The following EXT1 variants were observed in gnomAD, a reference collection of about 807,000 sequenced individuals.
EXT1 encodes the protein exostosin glycosyltransferase 1.
EXT1 carries 20 observed loss-of-function variants against 82.5 expected under a neutral mutation model. The observed-to-expected ratio is 0.24, with a 90% CI of 0.17 to 0.35. The LOEUF (loss-of-function observed/expected upper bound fraction) is 0.35. Among genes scored for constraint, EXT1 ranks in the 10% least tolerant of loss-of-function variants. The pLI, the probability that EXT1 is intolerant of heterozygous loss-of-function variation, is 1.00. For missense variants in EXT1, 757 were observed against 936.5 expected (o/e 0.81, Z 2.50); for synonymous variants, 348 against 350.8 (o/e 0.99, Z 0.09).
chr8:117,957,791 C>T (rs1346893436), intron 1 of EXT1, among the ~76,000 whole-genome samples: 1 of 152,132 alleles, frequency 6.6e-6, no homozygotes, highest in Non-Finnish European at 1.5e-5. Context: ...TTATTCTTTT[C>T]CTTCTCTGTG....
chr8:117,969,477 T>C (rs1054064245), intron 1 of EXT1, among the ~76,000 whole-genome samples: 4 of 152,202 alleles, frequency 2.6e-5, no homozygotes, highest in Admixed American at 6.5e-5. Context: ...AATATGCACA[T>C]TGATCCCAGA....
intron 3 of EXT1, among the ~76,000 whole-genome samples, chr8:117,832,520 T>TA (rs78434447): frequency 0.099 from 13,987 of 141,974 alleles, 904 homozygotes; most frequent in East Asian, 0.35. Context: ...AAGACTGTCT[T>TA]AAAAAAAAAA....
At chr8:117,828,579 G>A (rs1812046139) in intron 4 of EXT1, among the ~76,000 whole-genome samples, 1 of 152,088 alleles carries the variant, frequency 6.6e-6, no homozygotes, top group South Asian at 2.1e-4. Flanking sequence ...TTTAAGAAGG[G>A]CCTAGGAAGG....
chr8:117,949,292 T>G (rs752509036), intron 1 of EXT1, among the ~76,000 whole-genome samples: 6 of 152,112 alleles, frequency 3.9e-5, no homozygotes, highest in Admixed American at 2.0e-4. Context: ...TTAAATAGCC[T>G]TTAGTTTGAA....
At chr8:117,848,780 A>G (rs1439168519) in intron 1 of EXT1, among the ~76,000 whole-genome samples, 2 of 152,184 alleles carry the variant, frequency 1.3e-5, no homozygotes, top group East Asian at 1.9e-4. Context: ...GAACAGAGCA[A>G]CAGAAACCAT....
intron 1 of EXT1, among the ~76,000 whole-genome samples, chr8:117,918,236 C>T (rs543810929): frequency 6.6e-6 from 1 of 152,322 alleles, no homozygotes; most frequent in South Asian, 2.1e-4. Context: ...AATTTCACTG[C>T]ATGTTCTTTC....
intron 1 of EXT1, among the ~76,000 whole-genome samples, chr8:118,026,860 T>G (rs1816211063): frequency 6.6e-6 from 1 of 152,190 alleles, no homozygotes; most frequent in Non-Finnish European, 1.5e-5. Flanking sequence ...GATGGTCCAT[T>G]TGGAAACACA....
intron 1 of EXT1, among the ~76,000 whole-genome samples, chr8:118,045,486 A>G (rs905766178): frequency 3.9e-5 from 6 of 152,116 alleles, no homozygotes. Flanking sequence ...CCAAATGTGC[A>G]ATCTGGGGCA....
At chr8:117,978,544 TTC>T (rs987740196) in intron 1 of EXT1, among the ~76,000 whole-genome samples, 1 of 152,232 alleles carries the variant, frequency 6.6e-6, no homozygotes, top group Admixed American at 6.5e-5. Context: ...TGGGTCATAT[TTC>T]TGTTTGAGGA....
intron 1 of EXT1, among the ~76,000 whole-genome samples, chr8:117,905,148 T>C (rs112645021): frequency 1.6e-4 from 25 of 152,218 alleles, no homozygotes; most frequent in African/African-American, 5.1e-4. Context: ...AGTGTACTTA[T>C]AGGAACTCTG....
At position 117,906,139 on chromosome 8, in the gene EXT1, T is replaced by A. The variant is rs111835830; in HGVS notation, c.963-68938A>T. On this transcript the variant is annotated intron_variant, in intron 1 of 10. Transcript: ENST00000378204. ...TATCCCTCGTATTTCTTACAGCAGT[T>A]GTTTGACCATTCCTCACCATTCAAG... 2.1e-3 allele frequency among the ~76,000 whole-genome samples: 326 copies of A among 152,352 alleles called. 1 individual carries two copies. The highest frequency in any genetic ancestry group is 0.016 in the South Asian group (75 of 4,832).
intron 1 of EXT1, among the ~76,000 whole-genome samples, chr8:117,888,691 C>G (rs1347258102): frequency 6.6e-6 from 1 of 152,132 alleles, no homozygotes; most frequent in African/African-American, 2.4e-5. Context: ...GGTGGACTCT[C>G]TTGGGATTCC....
intron 1 of EXT1, among the ~76,000 whole-genome samples, chr8:117,917,514 C>T (rs1223116189): frequency 6.6e-6 from 1 of 151,936 alleles, no homozygotes; most frequent in East Asian, 1.9e-4. Flanking sequence ...AACACGTCTG[C>T]TCCTTTAATA....
At chr8:117,946,549 G>A (rs900117953) in intron 1 of EXT1, among the ~76,000 whole-genome samples, 14 of 152,142 alleles carry the variant, frequency 9.2e-5, no homozygotes, top group Admixed American at 6.5e-4. Context: ...CAACCAGGGC[G>A]CTGAGCAACC....
At chr8:118,054,535 T>C (rs539402772) in intron 1 of EXT1, among the ~76,000 whole-genome samples, 1 of 152,372 alleles carries the variant, frequency 6.6e-6, no homozygotes, top group East Asian at 1.9e-4. Flanking sequence ...CCCCACACTT[T>C]GGCCAAGCAT....
rs71569748 is a variant in EXT1 at position 117,809,218 on chromosome 8, A to AACATATATATATATATATATAT, written c.1723-1842_1723-1841insATATATATATATATATATATGT. Among the ~76,000 whole-genome samples, 43 of 107,930 alleles carry AACATATATATATATATATATAT rather than the reference A, an allele frequency of 4.0e-4. 1 individual carries two copies. Among genetic ancestry groups the AACATATATATATATATATATAT allele is most frequent in the African/African-American group, 1.3e-3 (41 of 32,006 alleles). 70.8% of individuals were successfully genotyped at this position (107,930 alleles called of 152,430 possible). On this transcript the variant is annotated intron_variant, in intron 8 of 10. Coordinates refer to ENST00000378204, the MANE Select transcript of EXT1 (RefSeq NM_000127.3). ...GTATATATATGTGTGTGTGTGTATA[A>AACATATATATATATATATATAT]ATATATATATATATATATATATATA...
intron 1 of EXT1, among the ~76,000 whole-genome samples, chr8:118,039,345 AG>A (rs1190462808): frequency 6.6e-6 from 1 of 152,118 alleles, no homozygotes; most frequent in Non-Finnish European, 1.5e-5. Flanking sequence ...AGATCACCTG[AG>A]GTTGGGAGTT....
At chr8:117,990,058 A>AGCTAC (rs201883697) in intron 1 of EXT1, among the ~76,000 whole-genome samples, 2 of 152,302 alleles carry the variant, frequency 1.3e-5, no homozygotes, top group East Asian at 3.9e-4. Context: ...CTGTAATCCC[A>AGCTAC]GCTACTCGGG....
chr8:117,821,229 C>T (rs10103734), intron 5 of EXT1, among the ~76,000 whole-genome samples: 13,331 of 152,176 alleles, frequency 0.088, 753 homozygotes, highest in African/African-American at 0.16. Context: ...TATCATCCAG[C>T]AGCACTTTAA....
Sources: gnomAD v4.1 joint callset for allele counts (sites outside exome capture counted in the v4.1 genomes callset) on GRCh38, gnomAD v4.1.1 for gene constraint, MANE v1.5 for transcripts, NCBI Gene and HGNC (gene_info 2026-07-23, HGNC 2026-07-21) for gene names.